Variants in SEPTIN11 observed in about 807,000 individuals in gnomAD.
SEPTIN11 encodes septin-11.
A neutral mutation model predicts 51.4 loss-of-function variants in SEPTIN11; 25 were observed. That is an observed-to-expected ratio of 0.49 (90% CI 0.35 to 0.68). SEPTIN11 has a LOEUF of 0.68. SEPTIN11 is among the 30% of genes least tolerant of loss of function. The pLI is 0.00. For synonymous variants in SEPTIN11, 174 were observed against 184.1 expected, an observed-to-expected ratio of 0.95 and a Z score of 0.44; for missense variants, 381 against 520.8, an observed-to-expected ratio of 0.73 and a Z score of 2.61.
intron 1 of SEPTIN11, among the ~76,000 whole-genome samples, chr4:76,972,067 A>G (rs963572785): frequency 2.0e-5 from 3 of 152,162 alleles, no homozygotes; most frequent in Non-Finnish European, 2.9e-5. Flanking sequence ...TTATGTGGTT[A>G]TTGGCCATTT....
At chr4:76,999,659 A>G (rs1426215853) in intron 2 of SEPTIN11, among the ~76,000 whole-genome samples, 1 of 152,246 alleles carries the variant, frequency 6.6e-6, no homozygotes, top group Non-Finnish European at 1.5e-5. Context: ...CAGAGGAAAT[A>G]AAACAGGGCA....
At position 77,036,667 on chromosome 4, in the gene SEPTIN11, T is replaced by A. The variant is rs932516953; in HGVS notation, c.*2155T>A. Reference sequence around the variant, plus strand: ...AATAGAAGCTTTTTTTTTTAAAAAATGTATTGCTTCTGAACTTTTTTCTGC... The same window carrying A: ...AATAGAAGCTTTTTTTTTTAAAAAAAGTATTGCTTCTGAACTTTTTTCTGC... On this transcript the variant is annotated 3_prime_UTR_variant, in exon 10 of 10. Transcript: ENST00000264893. 6.7e-6 allele frequency: 10 copies of A among 1,502,922 alleles called. No individual in the cohort carries two copies. Among genetic ancestry groups the A allele is most frequent in the African/African-American group, 5.7e-5 (4 of 70,166 alleles). The allele number at this position is 1,502,922 out of a possible 1,614,324, so 93.1% of individuals were successfully genotyped here. A position where few individuals can be genotyped will look rare whatever the true frequency, so the allele number is the denominator to read the frequency against.
chr4:76,979,093 A>G (rs17002303), intron 1 of SEPTIN11, among the ~76,000 whole-genome samples: 2,597 of 152,292 alleles, frequency 0.017, 77 homozygotes, highest in African/African-American at 0.059. Context: ...CATCCTAAAC[A>G]TATGGCCCTG....
intron 1 of SEPTIN11, among the ~76,000 whole-genome samples, chr4:76,982,623 T>C (rs1236600743): frequency 6.6e-6 from 1 of 152,246 alleles, no homozygotes; most frequent in Non-Finnish European, 1.5e-5. Flanking sequence ...GTAATCTTTG[T>C]AGTATATTTC....
At chr4:77,031,019 C>A in intron 9 of SEPTIN11, 49 bp downstream of exon 9, 1 of 1,501,392 alleles carries the variant, frequency 6.7e-7, no homozygotes, top group Non-Finnish European at 9.0e-7. Flanking sequence ...CAATTTATTC[C>A]TCTTGCATGT....
chr4:76,958,885 CT>C, intron 1 of SEPTIN11: 1 of 1,496,228 alleles, frequency 6.7e-7, no homozygotes, highest in Non-Finnish European at 9.3e-7. Context: ...TGGCTTCAAG[CT>C]TTTCCTTATT....
At chr4:77,008,222 G>A (rs1427112510) in intron 3 of SEPTIN11, among the ~76,000 whole-genome samples, 3 of 152,184 alleles carry the variant, frequency 2.0e-5, no homozygotes, top group Non-Finnish European at 4.4e-5. Flanking sequence ...GGGGAAGAAG[G>A]GAAAGCAAGT....
chr4:77,034,490 C>G lies in SEPTIN11; in HGVS notation c.1275-7C>G. ...CTAACTTTTTTGTTTTGTTTTTTAA[C>G]TTGCAGTGCAAGCTTCACATAAAGC... On this transcript the variant is annotated splice_region_variant and splice_polypyrimidine_tract_variant and intron_variant, in intron 9 of 9. Coordinates refer to ENST00000264893, the MANE Select transcript of SEPTIN11 (RefSeq NM_018243.4). 2 of 1,538,578 alleles carry G rather than the reference C, an allele frequency of 1.3e-6. No homozygotes were observed. The highest frequency in any genetic ancestry group is 1.7e-6 in the Non-Finnish European group (2 of 1,148,672).
chr4:76,974,031 A>G (rs1250504782), intron 1 of SEPTIN11, among the ~76,000 whole-genome samples: 1 of 152,182 alleles, frequency 6.6e-6, no homozygotes, highest in African/African-American at 2.4e-5. Context: ...TCTCTAGAGA[A>G]GTAGGGTTCA....
chr4:76,996,728 T>G (rs114391386), intron 2 of SEPTIN11, among the ~76,000 whole-genome samples, 189 bp downstream of exon 2: 2,300 of 152,302 alleles, frequency 0.015, 42 homozygotes, highest in Admixed American at 0.034. Context: ...TTTAGGTAAA[T>G]GCGTTGTATG....
At chr4:77,025,046 TGTTC>T (rs1379161595) in intron 7 of SEPTIN11, among the ~76,000 whole-genome samples, 2 of 152,172 alleles carry the variant, frequency 1.3e-5, no homozygotes, top group Non-Finnish European at 2.9e-5. Context: ...GAAGTGTCTG[TGTTC>T]GTTCTCTCTT....
chr4:76,950,124 G>C (rs1721261665), intron 1 of SEPTIN11, among the ~76,000 whole-genome samples, 194 bp downstream of exon 1: 1 of 152,226 alleles, frequency 6.6e-6, no homozygotes, highest in Non-Finnish European at 1.5e-5. Flanking sequence ...GTTACGTGAT[G>C]CAACAGTGGA....
intron 5 of SEPTIN11, among the ~76,000 whole-genome samples, chr4:77,016,991 GA>G (rs1326944089): frequency 6.6e-6 from 1 of 151,928 alleles, no homozygotes; most frequent in Admixed American, 6.6e-5. Flanking sequence ...GACAGTCCTG[GA>G]ACCGGTACCC....
intron 7 of SEPTIN11, among the ~76,000 whole-genome samples, chr4:77,025,141 TC>T (rs1413053641): frequency 1.3e-5 from 2 of 152,144 alleles, no homozygotes; most frequent in Non-Finnish European, 2.9e-5. Flanking sequence ...CAATTTCAAA[TC>T]AATCTAAAAT....
intron 1 of SEPTIN11, chr4:76,987,666 A>C (rs1337123964): frequency 6.5e-6 from 1 of 153,064 alleles, no homozygotes; most frequent in Non-Finnish European, 1.5e-5. Flanking sequence ...ATCTACAGAA[A>C]TGATTAATCA....
chr4:77,027,583 G>A (rs1726267178), intron 7 of SEPTIN11, among the ~76,000 whole-genome samples: 1 of 152,196 alleles, frequency 6.6e-6, no homozygotes, highest in Non-Finnish European at 1.5e-5. Flanking sequence ...ATGGTGCCAG[G>A]GATCGTGCAG....
At chr4:76,987,255 C>CT (rs1285356013) in intron 1 of SEPTIN11, among the ~76,000 whole-genome samples, 1 of 152,146 alleles carries the variant, frequency 6.6e-6, no homozygotes, top group Non-Finnish European at 1.5e-5. Flanking sequence ...TGGTTTTTCT[C>CT]TTAACAGTTC....
At chr4:76,957,585 C>T (rs1721617717) in intron 1 of SEPTIN11, among the ~76,000 whole-genome samples, 2 of 152,166 alleles carry the variant, frequency 1.3e-5, no homozygotes. Context: ...AGTTGGTTAT[C>T]TGAGGAAAAT....
chr4:77,010,667 C>T (rs1217180268), intron 3 of SEPTIN11, among the ~76,000 whole-genome samples: 1 of 151,974 alleles, frequency 6.6e-6, no homozygotes, highest in Non-Finnish European at 1.5e-5. Flanking sequence ...ATTTGTGGTT[C>T]CCTTTCAAGG....
Sources: gnomAD v4.1 joint callset for allele counts (sites outside exome capture counted in the v4.1 genomes callset) on GRCh38, gnomAD v4.1.1 for gene constraint, MANE v1.5 for transcripts, NCBI Gene and HGNC (gene_info 2026-07-23, HGNC 2026-07-21) for gene names.